The following FMN2 variants were observed in gnomAD, a reference collection of about 807,000 sequenced individuals.
FMN2 encodes the protein formin-2.
In FMN2, 51 loss-of-function variants were observed where a neutral mutation model predicts 142.3. The ratio of observed to expected loss-of-function variants is 0.36; its 90% CI spans 0.29 to 0.45. FMN2 has a LOEUF of 0.45. Among genes scored for constraint, FMN2 ranks in the 20% least tolerant of loss-of-function variants. The pLI is 1.00. For synonymous variants in FMN2, 882 were observed against 869.8 expected (o/e 1.01, Z -0.25); for missense variants, 1,936 against 2,122.8 (o/e 0.91, Z 1.73).
At chr1:240,152,520 A>T (rs1477955424) in intron 2 of FMN2, among the ~76,000 whole-genome samples, 9 of 152,072 alleles carry the variant, frequency 5.9e-5, no homozygotes, top group African/African-American at 2.2e-4. Context: ...AATTTGTCCT[A>T]GCAGTAGCAT....
intron 5 of FMN2, among the ~76,000 whole-genome samples, chr1:240,209,789 A>G (rs1442248105): frequency 6.6e-6 from 1 of 151,640 alleles, no homozygotes; most frequent in African/African-American, 2.4e-5. Context: ...CGGTAGTTCC[A>G]GCTACTCGGG....
rs34050336 is a variant in FMN2, at chr1:240,184,236, C to CTTTTTTTTTTT, written c.1931-3957_1931-3947dup. Among the ~76,000 whole-genome samples, 39 of 79,446 alleles carry CTTTTTTTTTTT rather than the reference C, an allele frequency of 4.9e-4. 5 individuals are homozygous for CTTTTTTTTTTT. The highest frequency in any genetic ancestry group is 1.5e-3 in the African/African-American group (30 of 20,012). 52.1% of individuals were successfully genotyped at this position (79,446 alleles called of 152,430 possible). A position where few individuals can be genotyped will look rare whatever the true frequency, so the allele number is the denominator to read the frequency against. On this transcript the variant is annotated intron_variant, in intron 3 of 17. Coordinates refer to ENST00000319653, the MANE Select transcript of FMN2 (RefSeq NM_020066.5). The stretch of plus-strand genomic sequence containing the variant: ...AACTTTTTAAAATGGAATATTTAAC[C>CTTTTTTTTTTT]TTTTTTTTTTTTTTTTTTTTTTTTG...
intron 8 of FMN2, among the ~76,000 whole-genome samples, chr1:240,297,580 G>C (rs968560177): frequency 5.5e-5 from 7 of 126,884 alleles, no homozygotes; most frequent in Non-Finnish European, 1.1e-4. Context: ...TGGTGACAGA[G>C]TGAGACTCCA....
At chr1:240,380,476 T>C (rs1446139592) in intron 14 of FMN2, among the ~76,000 whole-genome samples, 1 of 152,188 alleles carries the variant, frequency 6.6e-6, no homozygotes, top group Non-Finnish European at 1.5e-5. Context: ...ATATATATTT[T>C]GGATAATTAA....
intron 2 of FMN2, among the ~76,000 whole-genome samples, chr1:240,145,881 A>G (rs1219486184): frequency 2.0e-5 from 3 of 152,094 alleles, no homozygotes; most frequent in East Asian, 1.9e-4. Flanking sequence ...GAAATCTTGC[A>G]TTATGTGTGT....
intron 16 of FMN2, among the ~76,000 whole-genome samples, chr1:240,462,992 G>A (rs547531844): frequency 6.6e-6 from 1 of 152,308 alleles, no homozygotes; most frequent in African/African-American, 2.4e-5. Flanking sequence ...ATAGGACTGG[G>A]AGGTGCTTCT....
At chr1:240,250,370 CT>C (rs1668237395) in intron 6 of FMN2, among the ~76,000 whole-genome samples, 1 of 151,982 alleles carries the variant, frequency 6.6e-6, no homozygotes. Context: ...GTTTTTCACT[CT>C]TGATTTGATA....
rs1033800034 is a variant in FMN2, at chr1:240,092,965, G to A, written c.856G>A (p.Glu286Lys). Reference protein sequence around the residue: ...LSDLPESLAAEPREPQQPPSP... With the variant: ...LSDLPESLAAKPREPQQPPSP... ...CGACCTGCCCGAGAGCCTGGCCGCC[G>A]AGCCCCGGGAGCCCCAGCAACCGCC... The change falls in exon 1 of 18, where the codon GAG becomes AAG. Residue 286 changes from glutamate to lysine, a missense_variant. Coordinates refer to ENST00000319653, the MANE Select transcript of FMN2 (RefSeq NM_020066.5). 7 of 1,406,972 alleles carry A rather than the reference G, an allele frequency of 5.0e-6. No homozygotes were observed. The African/African-American group carries it at 7.6e-5, about 15-fold the overall frequency. The allele number at this position is 1,406,972 out of a possible 1,614,324, so 87.2% of individuals were successfully genotyped here. A position where few individuals can be genotyped will look rare whatever the true frequency, so the allele number is the denominator to read the frequency against.
chr1:240,103,257 A>G (rs1661476951), intron 1 of FMN2, among the ~76,000 whole-genome samples: 2 of 152,216 alleles, frequency 1.3e-5, no homozygotes, highest in Non-Finnish European at 1.5e-5. Flanking sequence ...TTTGGATAAT[A>G]AAAGCTAGGC....
rs557970353 is a variant in FMN2, at chr1:240,271,061, A to C, written c.4153+13029A>C. 1.2e-3 allele frequency among the ~76,000 whole-genome samples: 170 copies of C among 138,436 alleles called. 1 individual carries two copies. Among genetic ancestry groups the C allele is most frequent in the Admixed American group, 3.6e-3 (51 of 14,220 alleles). 90.8% of individuals were successfully genotyped at this position (138,436 alleles called of 152,430 possible). A position where few individuals can be genotyped will look rare whatever the true frequency, so the allele number is the denominator to read the frequency against. ...AAGAACACTTCTTTAAAAATCTGCAAATAACCCTTTGACCCCCCTAGGAAC... is the reference window on the plus strand; with the variant it reads ...AAGAACACTTCTTTAAAAATCTGCACATAACCCTTTGACCCCCCTAGGAAC... On this transcript the variant is annotated intron_variant, in intron 7 of 17. Coordinates refer to ENST00000319653, the MANE Select transcript of FMN2 (RefSeq NM_020066.5).
At chr1:240,110,624 T>C (rs1341499211) in intron 1 of FMN2, among the ~76,000 whole-genome samples, 1 of 152,194 alleles carries the variant, frequency 6.6e-6, no homozygotes, top group Non-Finnish European at 1.5e-5. Flanking sequence ...AGTGTATGAC[T>C]GCAAAGCTGA....
At position 240,150,766 on chromosome 1, in the gene FMN2, G is replaced by A. The variant is rs1663730473; in HGVS notation, c.1783-27155G>A. ...TTTTGTTAGGTGTATTTTTTATAAA[G>A]AGACTGGCCATAATAATTAGTAGAG... On this transcript the variant is annotated intron_variant, in intron 2 of 17. Coordinates refer to ENST00000319653, the MANE Select transcript of FMN2 (RefSeq NM_020066.5). 2.0e-5 allele frequency among the ~76,000 whole-genome samples: 3 copies of A among 152,124 alleles called. No homozygotes were observed. The South Asian group carries it at 6.2e-4, about 32-fold the overall frequency.
At chr1:240,171,843 G>A (rs187485585) in intron 2 of FMN2, among the ~76,000 whole-genome samples, 11 of 152,182 alleles carry the variant, frequency 7.2e-5, no homozygotes, top group Middle Eastern at 3.4e-3. Flanking sequence ...CCTACTTTAC[G>A]CCACTTTTAG....
intron 7 of FMN2, among the ~76,000 whole-genome samples, chr1:240,279,330 G>T (rs1247156253): frequency 2.0e-5 from 3 of 152,228 alleles, no homozygotes; most frequent in Non-Finnish European, 4.4e-5. Context: ...AAAATGTGTG[G>T]GACACCTCAT....
chr1:240,166,023 T>A (rs1478781998), intron 2 of FMN2, among the ~76,000 whole-genome samples: 1 of 151,996 alleles, frequency 6.6e-6, no homozygotes, highest in Non-Finnish European at 1.5e-5. Context: ...GCTCACTAGG[T>A]CTGTGTTCTC....
At position 240,251,877 on chromosome 1, in the gene FMN2, A is replaced by G. The variant is rs181263928; in HGVS notation, c.4066-6068A>G. Among the ~76,000 whole-genome samples the G allele has an allele frequency of 2.5e-3, 378 of 152,210 alleles. 1 individual carries two copies. The highest frequency in any genetic ancestry group is 8.9e-3 in the African/African-American group (368 of 41,552). ...TGATATGTAAGGGCAAATTCAAGTCATTTCCTTAATTGATTTCTGTATTTT... is the reference window on the plus strand; with the variant it reads ...TGATATGTAAGGGCAAATTCAAGTCGTTTCCTTAATTGATTTCTGTATTTT... On this transcript the variant is annotated intron_variant, in intron 6 of 17. Transcript: ENST00000319653.
At chr1:240,221,562 ATTGT>A (rs1175401703) in intron 6 of FMN2, among the ~76,000 whole-genome samples, 58 of 150,988 alleles carry the variant, frequency 3.8e-4, no homozygotes, top group African/African-American at 1.0e-3. Context: ...TTTTGATGGG[ATTGT>A]TTGTTTGTTT....
At chr1:240,411,311 G>A (rs1018775029) in intron 15 of FMN2, among the ~76,000 whole-genome samples, 2 of 152,024 alleles carry the variant, frequency 1.3e-5, no homozygotes, top group Admixed American at 6.6e-5. Context: ...GGTGTTTCAC[G>A]CCCATAATCC....
intron 14 of FMN2, among the ~76,000 whole-genome samples, chr1:240,356,813 A>G (rs1672288491): frequency 6.6e-6 from 1 of 152,202 alleles, no homozygotes; most frequent in South Asian, 2.1e-4. Flanking sequence ...TTTAACAATG[A>G]ATTAGTCATA....
Sources: allele counts gnomAD v4.1 joint callset (sites outside exome capture counted in the v4.1 genomes callset), GRCh38; gene constraint gnomAD v4.1.1; transcripts MANE v1.5; gene names NCBI Gene and HGNC (gene_info 2026-07-23, HGNC 2026-07-21).